Variants in NPAS3 observed in about 807,000 individuals in gnomAD.
NPAS3 encodes the protein neuronal PAS domain-containing protein 3.
In NPAS3, 14 loss-of-function variants were observed where a neutral mutation model predicts 73.1. That is an observed-to-expected ratio of 0.19 (90% CI 0.13 to 0.30). The LOEUF is 0.30. Among genes scored for constraint, NPAS3 ranks in the 10% least tolerant of loss-of-function variants. NPAS3 has a pLI of 1.00. For missense variants in NPAS3, 1,096 were observed against 1,250.0 expected (o/e 0.88, Z 1.86); for synonymous variants, 620 against 541.5 (o/e 1.14, Z -2.01).
At chr14:33,502,105 G>T (rs1234392061) in intron 4 of NPAS3, among the ~76,000 whole-genome samples, 1 of 151,840 alleles carries the variant, frequency 6.6e-6, no homozygotes. Flanking sequence ...CATTAAAAAT[G>T]ATCTTTGTAC....
At chr14:32,970,180 C>T (rs991600426) in intron 1 of NPAS3, among the ~76,000 whole-genome samples, 5 of 152,064 alleles carry the variant, frequency 3.3e-5, no homozygotes, top group African/African-American at 9.7e-5. Flanking sequence ...AACTTAATTT[C>T]GATTCTTTTC....
intron 5 of NPAS3, among the ~76,000 whole-genome samples, chr14:33,660,281 G>C (rs1418159680): frequency 1.3e-5 from 2 of 152,098 alleles, no homozygotes; most frequent in East Asian, 3.9e-4. Context: ...TAACAACTAA[G>C]TCTGCCATGT....
chr14:33,559,725 T>G (rs553884947), intron 4 of NPAS3, among the ~76,000 whole-genome samples: 33 of 152,314 alleles, frequency 2.2e-4, no homozygotes, highest in Non-Finnish European at 4.4e-4. Flanking sequence ...AAGACGGTCT[T>G]AAATTCAGCG....
intron 3 of NPAS3, among the ~76,000 whole-genome samples, chr14:33,293,738 A>G (rs1312554757): frequency 6.6e-6 from 1 of 152,210 alleles, no homozygotes; most frequent in Non-Finnish European, 1.5e-5. Flanking sequence ...TCCAAAAACT[A>G]CAGTGCCATA....
In NPAS3 at chr14:33,095,657, C is replaced by CTTTTTTTTTTTTTTTTTT. The variant is rs201283993; in HGVS notation, c.140+39667_140+39668insTTTTTTTTTTTTTTTTTT. 1.7e-4 allele frequency among the ~76,000 whole-genome samples: 17 copies of CTTTTTTTTTTTTTTTTTT among 97,656 alleles called. 5 individuals are homozygous for CTTTTTTTTTTTTTTTTTT. The highest frequency in any genetic ancestry group is 2.7e-4 in the African/African-American group (6 of 22,268). 64.1% of individuals were successfully genotyped at this position (97,656 alleles called of 152,430 possible). On this transcript the variant is annotated intron_variant, in intron 2 of 11. Transcript: ENST00000356141. The stretch of plus-strand genomic sequence containing the variant: ...TACACAAAGGCGTGGGCATTCTCTG[C>CTTTTTTTTTTTTTTTTTT]TTTTATTTTTTTATTTTTTTTTTTT...
At chr14:32,977,304 A>G (rs973988734) in intron 1 of NPAS3, among the ~76,000 whole-genome samples, 6 of 143,168 alleles carry the variant, frequency 4.2e-5, no homozygotes, top group Non-Finnish European at 7.6e-5. Flanking sequence ...TCTAGTCAGT[A>G]TTTCTGGACA....
chr14:33,545,064 T>C (rs2054777869), intron 4 of NPAS3, among the ~76,000 whole-genome samples: 1 of 151,790 alleles, frequency 6.6e-6, no homozygotes, highest in African/African-American at 2.4e-5. Flanking sequence ...TTCCATTAAT[T>C]TCTGCAATCC....
intron 5 of NPAS3, among the ~76,000 whole-genome samples, chr14:33,563,537 C>CACACACACACAGAGAGAGAGAG: frequency 3.6e-4 from 43 of 119,690 alleles, no homozygotes; most frequent in African/African-American, 1.2e-3. Context: ...CACACACACA[C>CACACACACACAGAGAGAGAGAG]AGAGAGAGAG....
chr14:33,612,722 T>A, intron 5 of NPAS3: 1 of 345,060 alleles, frequency 2.9e-6, no homozygotes, highest in East Asian at 7.4e-5. Flanking sequence ...TTAGAACATA[T>A]ATCTCCTAAG....
intron 7 of NPAS3, among the ~76,000 whole-genome samples, chr14:33,750,384 G>T (rs892554847): frequency 6.6e-6 from 1 of 152,102 alleles, no homozygotes; most frequent in African/African-American, 2.4e-5. Context: ...TACTCCCCAT[G>T]CTTTTAAAGA....
intron 6 of NPAS3, among the ~76,000 whole-genome samples, chr14:33,717,327 A>T (rs560067830): frequency 3.6e-4 from 54 of 152,070 alleles, no homozygotes; most frequent in African/African-American, 1.2e-3. Context: ...CATAGGCACA[A>T]TGATTCCTTC....
At chr14:33,784,174 G>T (rs1468765075) in intron 9 of NPAS3, among the ~76,000 whole-genome samples, 1 of 152,160 alleles carries the variant, frequency 6.6e-6, no homozygotes, top group African/African-American at 2.4e-5. Context: ...TCCCTTGGGC[G>T]AATACTTTCC....
At chr14:33,018,637 TAAAC>T (rs146665952) in intron 1 of NPAS3, among the ~76,000 whole-genome samples, 14,467 of 150,742 alleles carry the variant, frequency 0.096, 1,156 homozygotes, top group African/African-American at 0.21. Context: ...TTTTAGAACA[TAAAC>T]AAGTTGAAAG....
chr14:32,964,524 G>A (rs369707130), intron 1 of NPAS3, among the ~76,000 whole-genome samples: 1 of 151,926 alleles, frequency 6.6e-6, no homozygotes, highest in African/African-American at 2.4e-5. Context: ...GATATAAATA[G>A]AGAAAGAAAT....
rs538518169 is a variant in NPAS3 at position 33,136,310 on chromosome 14, T to C, written c.141-78872T>C. Among the ~76,000 whole-genome samples the C allele has an allele frequency of 2.6e-4, 40 of 151,866 alleles. No individual in the cohort carries two copies. The East Asian group carries it at 4.5e-3, about 17-fold the overall frequency. ...TCCTGACCTCGTGATCCGCCCACCT[T>C]AGCCTCCCAAAGTGCTGCGATTACA... On this transcript the variant is annotated intron_variant, in intron 2 of 11. Coordinates refer to ENST00000356141, the Ensembl canonical transcript of NPAS3.
intron 2 of NPAS3, among the ~76,000 whole-genome samples, chr14:33,144,782 G>A (rs2044178025): frequency 6.6e-6 from 1 of 151,860 alleles, no homozygotes; most frequent in Non-Finnish European, 1.5e-5. Flanking sequence ...TGTAGAGATG[G>A]GGAGTCTTGC....
chr14:33,198,180 C>T (rs958846045), intron 2 of NPAS3, among the ~76,000 whole-genome samples: 1 of 152,144 alleles, frequency 6.6e-6, no homozygotes, highest in East Asian at 1.9e-4. Flanking sequence ...AGTGCGGACC[C>T]AAAGAGTGAG....
At chr14:33,406,599 A>C (rs1203554230) in intron 4 of NPAS3, among the ~76,000 whole-genome samples, 1 of 152,124 alleles carries the variant, frequency 6.6e-6, no homozygotes, top group Non-Finnish European at 1.5e-5. Flanking sequence ...CTTTACCAAA[A>C]AGCATAAGCC....
At chr14:33,279,632 C>A (rs1886782) in intron 3 of NPAS3, among the ~76,000 whole-genome samples, 63,121 of 151,974 alleles carry the variant, frequency 0.42, 13,926 homozygotes, top group African/African-American at 0.55. Flanking sequence ...CAGGTGATTC[C>A]TATCACCTTT....
Sources: allele counts gnomAD v4.1 joint callset (sites outside exome capture counted in the v4.1 genomes callset), GRCh38; gene constraint gnomAD v4.1.1; transcripts MANE v1.5; gene names NCBI Gene and HGNC (gene_info 2026-07-23, HGNC 2026-07-21).